Variants in PTPRN2 observed in about 807,000 individuals in gnomAD.
The protein encoded by PTPRN2 is protein tyrosine phosphatase receptor type N2, also known as receptor-type tyrosine-protein phosphatase N2.
Under a neutral mutation model 118.8 loss-of-function variants are expected in PTPRN2, and 74 were observed. The ratio of observed to expected loss-of-function variants is 0.62; its 90% CI spans 0.52 to 0.76. PTPRN2 has a LOEUF of 0.76. PTPRN2 is among the 30% of genes least tolerant of loss of function. The probability of loss-of-function intolerance (pLI) is 0.00; values close to 1 mark genes in which losing one functional copy is unlikely to be tolerated. For missense variants in PTPRN2, 1,481 were observed against 1,394.4 expected (o/e 1.06, Z -0.99); for synonymous variants, 641 against 608.0 (o/e 1.05, Z -0.80).
At chr7:158,487,937 T>C (rs1279996201) in intron 2 of PTPRN2, among the ~76,000 whole-genome samples, 1 of 152,206 alleles carries the variant, frequency 6.6e-6, no homozygotes, top group Non-Finnish European at 1.5e-5. Flanking sequence ...TTTAAATTGC[T>C]TTTCCTTTCC....
chr7:157,679,126 T>C (rs954949358), intron 13 of PTPRN2, among the ~76,000 whole-genome samples: 11 of 152,098 alleles, frequency 7.2e-5, no homozygotes, highest in Non-Finnish European at 1.5e-4. Context: ...CATATATGCA[T>C]ATATGACAGG....
chr7:157,880,554 G>A (rs1009972467), intron 12 of PTPRN2, among the ~76,000 whole-genome samples: 3 of 152,186 alleles, frequency 2.0e-5, no homozygotes, highest in Admixed American at 6.5e-5. Flanking sequence ...CAAGGGACCC[G>A]GCCCATAGGC....
intron 12 of PTPRN2, among the ~76,000 whole-genome samples, chr7:157,814,520 G>A (rs1034782917): frequency 5.5e-5 from 8 of 146,220 alleles, no homozygotes; most frequent in Non-Finnish European, 1.1e-4. Flanking sequence ...GGGGCAGGAC[G>A]GGGACAGGCG....
At chr7:158,176,256 C>T (rs1346214153) in intron 5 of PTPRN2, among the ~76,000 whole-genome samples, 1 of 152,232 alleles carries the variant, frequency 6.6e-6, no homozygotes. Flanking sequence ...TGGCTCATAA[C>T]CACCCAGAAG....
At chr7:158,271,516 C>G (rs778366220) in intron 3 of PTPRN2, among the ~76,000 whole-genome samples, 1 of 152,176 alleles carries the variant, frequency 6.6e-6, no homozygotes, top group African/African-American at 2.4e-5. Flanking sequence ...ATGCACGGGA[C>G]GGGGGCAACA....
chr7:158,152,695 TC>T (rs1193806718), intron 6 of PTPRN2, among the ~76,000 whole-genome samples: 1 of 152,090 alleles, frequency 6.6e-6, no homozygotes, highest in African/African-American at 2.4e-5. Flanking sequence ...CACACTCCCA[TC>T]CTGTGCCTAT....
At chr7:157,981,608 CT>C (rs1053406820) in intron 11 of PTPRN2, among the ~76,000 whole-genome samples, 9 of 114,378 alleles carry the variant, frequency 7.9e-5, no homozygotes, top group South Asian at 2.9e-4. Flanking sequence ...ATTCAGTTTA[CT>C]TTATTTTAAA....
intron 12 of PTPRN2, among the ~76,000 whole-genome samples, chr7:157,776,156 TC>T (rs1352346009): frequency 6.1e-5 from 8 of 130,642 alleles, no homozygotes; most frequent in African/African-American, 2.0e-4. Context: ...CTCTCCTTTT[TC>T]ACCTCCTCCC....
chr7:157,902,596 C>T (rs893739005), intron 11 of PTPRN2, among the ~76,000 whole-genome samples: 1 of 152,024 alleles, frequency 6.6e-6, no homozygotes, highest in African/African-American at 2.4e-5. Flanking sequence ...TCACCGTGGC[C>T]TCAAGAGCAC....
intron 1 of PTPRN2, among the ~76,000 whole-genome samples, chr7:158,496,333 C>A (rs1323041784): frequency 9.8e-6 from 1 of 101,980 alleles, no homozygotes; most frequent in East Asian, 3.1e-4. Flanking sequence ...GTGGCCCCTC[C>A]CCTTCCCTGT....
intron 2 of PTPRN2, among the ~76,000 whole-genome samples, chr7:158,333,526 C>G (rs1442171769): frequency 2.1e-5 from 3 of 141,750 alleles, no homozygotes; most frequent in African/African-American, 5.9e-5. Flanking sequence ...ACCATAAGAC[C>G]TGACACTCGC....
rs180955198 is a variant in PTPRN2 at position 158,229,182 on chromosome 7, C to A, written c.278-23909G>T. Among the ~76,000 whole-genome samples, 285 of 152,150 alleles carry A rather than the reference C, an allele frequency of 1.9e-3. 3 individuals are homozygous for A. Among genetic ancestry groups the A allele is most frequent in the Middle Eastern group, 0.01 (3 of 294 alleles). On this transcript the variant is annotated intron_variant, in intron 3 of 22. Coordinates refer to ENST00000389418, the MANE Select transcript of PTPRN2 (RefSeq NM_002847.5). ...GGTAAACCTGGGCTTAAGGTGCCAT[C>A]TAGTGCCGAAAAGGAGACAGGGACC...
chr7:158,486,321 T>A (rs912835647), intron 2 of PTPRN2, among the ~76,000 whole-genome samples: 11 of 152,264 alleles, frequency 7.2e-5, no homozygotes, highest in African/African-American at 1.9e-4. Context: ...CTTCATAGAT[T>A]TGTTTTCCTT....
intron 12 of PTPRN2, among the ~76,000 whole-genome samples, chr7:157,856,936 G>C (rs1809750108): frequency 6.6e-6 from 1 of 152,168 alleles, no homozygotes; most frequent in South Asian, 2.1e-4. Flanking sequence ...CACGGCTCAT[G>C]ATTTATTCTC....
chr7:157,569,879 G>A (rs758113604), intron 20 of PTPRN2, among the ~76,000 whole-genome samples: 13 of 152,178 alleles, frequency 8.5e-5, no homozygotes, highest in African/African-American at 2.7e-4. Flanking sequence ...TCCGGAAAAC[G>A]AATAAATGTT....
chr7:157,855,160 C>T (rs936346264), intron 12 of PTPRN2, among the ~76,000 whole-genome samples: 2 of 143,834 alleles, frequency 1.4e-5, no homozygotes, highest in Non-Finnish European at 3.1e-5. Context: ...GGGGCCGGAT[C>T]GGGGAGGATG....
At chr7:158,141,618 G>C (rs1819395160) in intron 6 of PTPRN2, among the ~76,000 whole-genome samples, 1 of 152,102 alleles carries the variant, frequency 6.6e-6, no homozygotes, top group Non-Finnish European at 1.5e-5. Context: ...ACGGCTGTAA[G>C]GACACATTTT....
At chr7:157,839,649 T>C (rs1167340585) in intron 12 of PTPRN2, among the ~76,000 whole-genome samples, 1 of 151,766 alleles carries the variant, frequency 6.6e-6, no homozygotes, top group Non-Finnish European at 1.5e-5. Flanking sequence ...TGTGTGGCTA[T>C]GTGTAGTGTG....
intron 21 of PTPRN2, among the ~76,000 whole-genome samples, chr7:157,566,520 G>A (rs1010038391): frequency 1.3e-5 from 2 of 152,180 alleles, no homozygotes; most frequent in Admixed American, 6.5e-5. Flanking sequence ...CCTGGGACCC[G>A]GGTCAGGGAA....
Sources: gnomAD v4.1 joint callset for allele counts (sites outside exome capture counted in the v4.1 genomes callset) on GRCh38, gnomAD v4.1.1 for gene constraint, MANE v1.5 for transcripts, NCBI Gene and HGNC (gene_info 2026-07-23, HGNC 2026-07-21) for gene names.